SLC24A3: variants seen among roughly 807,000 people sequenced by gnomAD.
SLC24A3 encodes solute carrier family 24 member 3.
A neutral mutation model predicts 75.8 loss-of-function variants in SLC24A3; 28 were observed. That is an observed-to-expected ratio of 0.37 (90% CI 0.27 to 0.51). The LOEUF (loss-of-function observed/expected upper bound fraction) is 0.51, where lower values mean the gene tolerates loss of function less well. Among genes scored for constraint, SLC24A3 ranks in the 20% least tolerant of loss-of-function variants. The pLI is 0.94. For missense variants in SLC24A3, 663 were observed against 847.8 expected, an observed-to-expected ratio of 0.78 and a Z score of 2.71; for synonymous variants, 372 against 334.1, an observed-to-expected ratio of 1.11 and a Z score of -1.24.
Position 19,582,610 on chromosome 20 carries a change from C to T in SLC24A3, c.424-2361C>T, listed in dbSNP as rs370176276. On this transcript the variant is annotated intron_variant, in intron 4 of 16. Coordinates refer to ENST00000328041, the MANE Select transcript of SLC24A3 (RefSeq NM_020689.4). ...ACAAAGCACCTGCTCCATGCCAGCC[C>T]CTTCCCCTGTCTGGACCTTACTTTC... is the stretch of plus-strand genomic sequence containing the variant. Among the ~76,000 whole-genome samples the T allele has an allele frequency of 7.9e-5, 12 of 152,322 alleles. 1 individual carries two copies. The South Asian group carries it at 1.7e-3, about 21-fold the overall frequency.
chr20:19,553,602 G>A lies in SLC24A3; in HGVS notation c.349-26398G>A, dbSNP rs1211177247. ...GGTACTCAGTAAATAATAACAGAAT[G>A]ACTGGTGAGGTGTGTAAAACTAATG... On this transcript the variant is annotated intron_variant, in intron 3 of 16. Coordinates refer to ENST00000328041, the MANE Select transcript of SLC24A3 (RefSeq NM_020689.4). Among the ~76,000 whole-genome samples the A allele has an allele frequency of 2.0e-5, 3 of 152,154 alleles. No individual in the cohort carries two copies. The East Asian group carries it at 5.8e-4, about 29-fold the overall frequency.
intron 2 of SLC24A3, among the ~76,000 whole-genome samples, chr20:19,455,081 T>C (rs1287681736): frequency 6.6e-6 from 1 of 152,150 alleles, no homozygotes; most frequent in Non-Finnish European, 1.5e-5. Context: ...TCATATTTCA[T>C]GCCCATTCCC....
At chr20:19,213,055 G>C (rs1477966333) in intron 1 of SLC24A3, 71 bp downstream of exon 1, 3 of 1,144,952 alleles carry the variant, frequency 2.6e-6, no homozygotes, top group African/African-American at 1.6e-5. Flanking sequence ...GGCTGGGCGC[G>C]GGGCTCCTTC....
intron 2 of SLC24A3, among the ~76,000 whole-genome samples, chr20:19,432,671 G>A (rs908952309): frequency 2.6e-5 from 4 of 152,172 alleles, no homozygotes; most frequent in African/African-American, 9.7e-5. Context: ...ATTGCACTGC[G>A]GAGACTGGCT....
At chr20:19,599,610 G>A (rs1177866191) in intron 6 of SLC24A3, among the ~76,000 whole-genome samples, 1 of 152,234 alleles carries the variant, frequency 6.6e-6, no homozygotes, top group Non-Finnish European at 1.5e-5. Flanking sequence ...ACAAGATGCT[G>A]CCTCCTGTTA....
chr20:19,434,748 CTTT>C (rs898507946), intron 2 of SLC24A3, among the ~76,000 whole-genome samples: 1 of 141,392 alleles, frequency 7.1e-6, no homozygotes, highest in African/African-American at 2.6e-5. Flanking sequence ...AGATAGGATG[CTTT>C]TTTTTTTTTT....
chr20:19,533,071 T>C (rs1214239733), intron 3 of SLC24A3, among the ~76,000 whole-genome samples: 2 of 152,216 alleles, frequency 1.3e-5, no homozygotes, highest in African/African-American at 4.8e-5. Context: ...AAACACCCAG[T>C]ATTTAATGGA....
At chr20:19,266,367 C>T (rs1351518891) in intron 1 of SLC24A3, among the ~76,000 whole-genome samples, 1 of 152,208 alleles carries the variant, frequency 6.6e-6, no homozygotes, top group African/African-American at 2.4e-5. Context: ...GAAAGGTGTT[C>T]CAGTCAGGAT....
At chr20:19,356,325 A>G (rs1422267761) in intron 2 of SLC24A3, among the ~76,000 whole-genome samples, 2 of 152,198 alleles carry the variant, frequency 1.3e-5, no homozygotes, top group Admixed American at 1.3e-4. Context: ...ACTAACTAGA[A>G]TTGTCTTTTG....
intron 6 of SLC24A3, among the ~76,000 whole-genome samples, chr20:19,637,814 C>T (rs1198757467): frequency 1.3e-5 from 2 of 152,066 alleles, no homozygotes; most frequent in Non-Finnish European, 2.9e-5. Context: ...AATATGGAAT[C>T]GAGAGATACT....
chr20:19,532,260 A>C (rs577943044), intron 3 of SLC24A3, among the ~76,000 whole-genome samples: 14 of 152,362 alleles, frequency 9.2e-5, no homozygotes, highest in South Asian at 8.3e-4. Context: ...CCAATCAGCC[A>C]GCCTCAAGTC....
chr20:19,496,638 C>T (rs567832857), intron 2 of SLC24A3, among the ~76,000 whole-genome samples: 5 of 152,218 alleles, frequency 3.3e-5, no homozygotes, highest in African/African-American at 7.2e-5. Context: ...CCATGTTGGA[C>T]ATGCTTCTTG....
At chr20:19,585,372 G>A (rs374469607) in intron 5 of SLC24A3, 69 bp from the exon 6 acceptor site, 2 of 1,440,492 alleles carry the variant, frequency 1.4e-6, no homozygotes, top group Non-Finnish European at 9.7e-7. Context: ...CTTATGAAAG[G>A]TTCCCCATGC....
chr20:19,367,890 A>G (rs1363384244), intron 2 of SLC24A3, among the ~76,000 whole-genome samples: 2 of 152,222 alleles, frequency 1.3e-5, no homozygotes, highest in Non-Finnish European at 2.9e-5. Context: ...ACCAGCAGCC[A>G]TCACTGGATG....
intron 2 of SLC24A3, among the ~76,000 whole-genome samples, chr20:19,372,857 G>A (rs1289334030): frequency 2.0e-5 from 3 of 152,018 alleles, no homozygotes; most frequent in South Asian, 2.1e-4. Flanking sequence ...TCTCTGTGGC[G>A]GCCAGAATTA....
rs768798135 is a variant in SLC24A3 at position 19,681,935 on chromosome 20, A to G, written c.845A>G (p.Asn282Ser). 3.4e-5 allele frequency: 55 copies of G among 1,614,114 alleles called. No individual in the cohort carries two copies. The highest frequency in any genetic ancestry group is 4.3e-5 in the Non-Finnish European group (51 of 1,180,044). The change falls in exon 10 of 17, where the codon AAT becomes AGT. Residue 282 changes from asparagine (N) to serine (S), a missense_variant. Asn to Ser is a conservative substitution (Grantham distance 46). Transcript: ENST00000328041. ...AGNMVNGLAN[N>S]AEIDDSSNCD... ...AACATGGTCAACGGATTGGCCAACA[A>G]TGCTGAAATTGATGACAGCAGCAAC...
intron 2 of SLC24A3, among the ~76,000 whole-genome samples, chr20:19,377,379 C>A (rs1046988453): frequency 6.6e-6 from 1 of 152,084 alleles, no homozygotes. Flanking sequence ...GGAGGGGACC[C>A]CAGTAGCATA....
At chr20:19,330,268 G>T (rs1238008583) in intron 2 of SLC24A3, among the ~76,000 whole-genome samples, 2 of 152,196 alleles carry the variant, frequency 1.3e-5, no homozygotes, top group Non-Finnish European at 2.9e-5. Context: ...CTCAGGGCTG[G>T]TTTCTCTTTG....
intron 6 of SLC24A3, among the ~76,000 whole-genome samples, chr20:19,615,815 G>C (rs561319970): frequency 6.6e-6 from 1 of 152,124 alleles, no homozygotes; most frequent in African/African-American, 2.4e-5. Context: ...TCTGAGACTT[G>C]CACCAGTGGC....
Sources: gnomAD v4.1 joint callset for allele counts (sites outside exome capture counted in the v4.1 genomes callset) on GRCh38, gnomAD v4.1.1 for gene constraint, MANE v1.5 for transcripts, NCBI Gene and HGNC (gene_info 2026-07-23, HGNC 2026-07-21) for gene names.